The following RIN3 variants were observed in gnomAD, a reference collection of about 807,000 sequenced individuals.
The protein encoded by RIN3 is RAB5 interacting protein 3.
Under a neutral mutation model 76.3 loss-of-function variants are expected in RIN3, and 54 were observed. The observed-to-expected ratio is 0.71, with a 90% CI of 0.57 to 0.89. The LOEUF (loss-of-function observed/expected upper bound fraction) is 0.89. Ranked by LOEUF, RIN3 falls within the 40% of genes least tolerant of loss-of-function variation. RIN3 has a pLI of 0.00. For synonymous variants in RIN3, 576 were observed against 564.0 expected, an observed-to-expected ratio of 1.02 and a Z score of -0.30; for missense variants, 1,256 against 1,322.1, an observed-to-expected ratio of 0.95 and a Z score of 0.78.
At chr14:92,576,142 G>A (rs925029769) in intron 2 of RIN3, 3 of 1,076,848 alleles carry the variant, frequency 2.8e-6, no homozygotes, top group Non-Finnish European at 2.4e-6. Flanking sequence ...CCCTTCCTGG[G>A]GAAGCTGTGC....
intron 3 of RIN3, among the ~76,000 whole-genome samples, chr14:92,609,479 G>T (rs12432064): frequency 0.5 from 75,572 of 152,044 alleles, 19,629 homozygotes; most frequent in Admixed American, 0.61. Flanking sequence ...TTTGCTGAGG[G>T]ATATGGGAGA....
At chr14:92,523,515 A>C (rs1896650682) in intron 1 of RIN3, among the ~76,000 whole-genome samples, 1 of 152,248 alleles carries the variant, frequency 6.6e-6, no homozygotes, top group East Asian at 1.9e-4. Context: ...GCACCAGATT[A>C]TATGCCCGAA....
Position 92,563,181 on chromosome 14 carries a change from A to G in RIN3, c.249+7226A>G, listed in dbSNP as rs1325832204. 3.3e-5 allele frequency among the ~76,000 whole-genome samples: 5 copies of G among 152,134 alleles called. No individual in the cohort carries two copies. The South Asian group carries it at 8.3e-4, about 25-fold the overall frequency. On this transcript the variant is annotated intron_variant, in intron 2 of 9. Transcript: ENST00000216487. ...TCAAGACTAGCCTGGCCAACATGGT[A>G]AAACCTCATATCTGCTAAAAATAGA... is the stretch of plus-strand genomic sequence containing the variant.
intron 1 of RIN3, among the ~76,000 whole-genome samples, chr14:92,543,425 A>G (rs1897170311): frequency 1.3e-5 from 2 of 152,128 alleles, no homozygotes; most frequent in Non-Finnish European, 2.9e-5. Flanking sequence ...TCAAACAGAT[A>G]CAACTGCTGC....
intron 2 of RIN3, among the ~76,000 whole-genome samples, chr14:92,558,022 C>A (rs1272179194): frequency 6.6e-6 from 1 of 152,190 alleles, no homozygotes; most frequent in Non-Finnish European, 1.5e-5. Context: ...GGGACATAGT[C>A]ATGACTGCTC....
At chr14:92,609,843 CTGTGTGTGTGTG>C (rs34350495) in intron 3 of RIN3, among the ~76,000 whole-genome samples, 21 of 138,504 alleles carry the variant, frequency 1.5e-4, no homozygotes, top group African/African-American at 3.2e-4. Flanking sequence ...GAAATTCAGT[CTGTGTGTGTGTG>C]TGTGTGTGTG....
chr14:92,615,378 C>T (rs1160588385), intron 3 of RIN3, 29 bp from the exon 4 acceptor site: 1 of 1,605,238 alleles, frequency 6.2e-7, no homozygotes, highest in Non-Finnish European at 8.5e-7. Context: ...ATACTCACCT[C>T]ACCCAGGGCC....
intron 4 of RIN3, among the ~76,000 whole-genome samples, chr14:92,618,056 T>C (rs1886037863): frequency 6.6e-6 from 1 of 152,228 alleles, no homozygotes. Context: ...ATGTTTCGTT[T>C]CTGACTGATT....
rs1023163497 is a variant in RIN3 at position 92,615,579 on chromosome 14, AG to A, written c.440+104del. ...GACTTCACAGGGAAGCCCCAGAGGG[AG>A]GGGTGTGGCCCAGAGGATGCAGAGA... On this transcript the variant is annotated intron_variant, in intron 4 of 9. Transcript: ENST00000216487. 5.0e-6 allele frequency: 5 copies of A among 1,004,484 alleles called. No homozygotes were observed. The Admixed American group carries it at 5.1e-5, about 10-fold the overall frequency. 62.2% of individuals were successfully genotyped at this position (1,004,484 alleles called of 1,614,324 possible). A position where few individuals can be genotyped will look rare whatever the true frequency, so the allele number is the denominator to read the frequency against.
At chr14:92,604,488 G>A (rs2140092119) in intron 3 of RIN3, among the ~76,000 whole-genome samples, 1 of 152,234 alleles carries the variant, frequency 6.6e-6, no homozygotes, top group South Asian at 2.1e-4. Flanking sequence ...TCCACCCAAA[G>A]GTCCCCTCCT....
At position 92,615,388 on chromosome 14, in the gene RIN3, CCTT is replaced by C; in HGVS notation, c.368-15_368-13del. On this transcript the variant is annotated splice_polypyrimidine_tract_variant and intron_variant, in intron 3 of 9. Coordinates refer to ENST00000216487, the MANE Select transcript of RIN3 (RefSeq NM_024832.5). ...GCAGGATACTCACCTCACCCAGGGCCCTTCTTGTGTCTCCCCAGTATTGTACCT... is the reference window on the plus strand; with the variant it reads ...GCAGGATACTCACCTCACCCAGGGCCCTTGTGTCTCCCCAGTATTGTACCT... 1.9e-6 allele frequency: 3 copies of C among 1,612,136 alleles called. No homozygotes were observed. Among genetic ancestry groups the C allele is most frequent in the Non-Finnish European group, 2.5e-6 (3 of 1,178,266 alleles).
intron 3 of RIN3, among the ~76,000 whole-genome samples, chr14:92,614,644 G>A (rs1885877596): frequency 6.6e-6 from 1 of 151,828 alleles, no homozygotes; most frequent in Non-Finnish European, 1.5e-5. Context: ...TCCTGGTAGT[G>A]AATAAGGCTC....
chr14:92,687,773 C>A, intron 9 of RIN3, 153 bp from the exon 10 acceptor site: 1 of 662,114 alleles, frequency 1.5e-6, no homozygotes, highest in Non-Finnish European at 2.4e-6. Context: ...CCCCCGCAGG[C>A]TCGCGGCAGA....
chr14:92,652,119 A>C lies in RIN3; in HGVS notation c.1070A>C (p.Glu357Ala). 6.2e-7 allele frequency: 1 copy of C among 1,607,712 alleles called. No individual in the cohort carries two copies. The highest frequency in any genetic ancestry group is 2.2e-5 in the East Asian group (1 of 44,824). The change falls in exon 6 of 10, where the codon GAA becomes GCA. Residue 357 changes from glutamate (E) to alanine (A), a missense_variant. Transcript: ENST00000216487. The surrounding 1 kb of genome is among the most constrained non-coding windows in gnomAD (Gnocchi z 6.4). ...GCAGGCCTGGGCCCCCTCAGGGAGG[A>C]AGCGATGAAGCCAGGGGCAGCCTCC... ...PTAGLGPLREEAMKPGAASSP... is the reference protein window; with the variant it reads ...PTAGLGPLREAAMKPGAASSP...
intron 1 of RIN3, among the ~76,000 whole-genome samples, chr14:92,521,255 A>G (rs1386311843): frequency 6.6e-6 from 1 of 151,966 alleles, no homozygotes; most frequent in African/African-American, 2.4e-5. Flanking sequence ...CCATCCATGC[A>G]TCCATCCATC....
At chr14:92,532,332 G>A (rs1896902301) in intron 1 of RIN3, among the ~76,000 whole-genome samples, 1 of 152,128 alleles carries the variant, frequency 6.6e-6, no homozygotes, top group Non-Finnish European at 1.5e-5. Flanking sequence ...AACTTTCCAG[G>A]ATACAGGGTT....
intron 5 of RIN3, among the ~76,000 whole-genome samples, 174 bp downstream of exon 5, chr14:92,641,503 T>C (rs1595476941): frequency 1.3e-5 from 2 of 152,136 alleles, no homozygotes; most frequent in Non-Finnish European, 2.9e-5. Context: ...GTCCAGTTTC[T>C]AAAGAGTCGC....
At chr14:92,657,134 A>G (rs767273074) in intron 6 of RIN3, among the ~76,000 whole-genome samples, 4 of 152,166 alleles carry the variant, frequency 2.6e-5, no homozygotes, top group Admixed American at 6.5e-5. Context: ...CGAGGAGGGC[A>G]GATCACTTGA....
At chr14:92,605,627 C>T (rs928013806) in intron 3 of RIN3, among the ~76,000 whole-genome samples, 1 of 152,160 alleles carries the variant, frequency 6.6e-6, no homozygotes, top group African/African-American at 2.4e-5. Context: ...ACATTCTTTC[C>T]CTAGAGTCAG....
Sources: gnomAD v4.1 joint callset for allele counts (sites outside exome capture counted in the v4.1 genomes callset) on GRCh38, gnomAD v4.1.1 for gene constraint, Gnocchi (gnomAD v3.1) non-coding constraint, MANE v1.5 for transcripts, NCBI Gene and HGNC (gene_info 2026-07-23, HGNC 2026-07-21) for gene names.